Variants in SCN3A observed in about 807,000 individuals in gnomAD.
The protein encoded by SCN3A is sodium voltage-gated channel alpha subunit 3, also known as sodium channel protein type 3 subunit alpha.
SCN3A carries 60 observed loss-of-function variants against 187.6 expected under a neutral mutation model. The observed-to-expected ratio is 0.32, with a 90% CI of 0.26 to 0.40. SCN3A has a LOEUF of 0.40. SCN3A is among the 10% of genes least tolerant of loss of function. SCN3A has a pLI of 1.00. For synonymous variants in SCN3A, 788 were observed against 829.2 expected (o/e 0.95, Z 0.85); for missense variants, 1,601 against 2,428.2 (o/e 0.66, Z 7.16).
rs1383342656 is a variant in SCN3A, at chr2:165,140,925, C to G, written c.1745G>C (p.Gly582Ala). The change falls in exon 13 of 28, where the codon GGT becomes GCT. Residue 582 changes from glycine to alanine, a missense_variant. Gly to Ala is a moderately conservative substitution (Grantham distance 60). Around this residue, in one of 11 missense-constraint regions of SCN3A, gnomAD observed 376 missense variants for 476.0 expected, o/e 0.79. Transcript: ENST00000283254. The surrounding 1 kb of genome is among the most constrained non-coding windows in gnomAD (Gnocchi z 4.2). Reference protein sequence around the residue: ...NSKTSIFSFRGRAKDVGSEND... With the variant: ...NSKTSIFSFRARAKDVGSEND... ...TTCAGATCCAACATCCTTTGCCCGA[C>G]CTCTGAAACTGAAAATGCTTGTTTT... 1 of 1,613,998 alleles carries G rather than the reference C, an allele frequency of 6.2e-7. No individual in the cohort carries two copies. Among genetic ancestry groups the G allele is most frequent in the Non-Finnish European group, 8.5e-7 (1 of 1,179,984 alleles).
At position 165,140,981 on chromosome 2, in the gene SCN3A, A is replaced by G; in HGVS notation, c.1689T>C (p.Arg563=). Residue 563 remains arginine, a synonymous_variant, in exon 13 of 28, where the codon CGT becomes CGC. Transcript: ENST00000283254. The surrounding 1 kb of genome is among the most constrained non-coding windows in gnomAD (Gnocchi z 4.2). ...CSPHQSLLSI[R]GSLFSPRRNS... is the part of the protein sequence containing the mutation. The stretch of plus-strand genomic sequence containing the variant: ...TGCGTCTTGGGGAAAACAGGGAGCC[A>G]CGGATACTCAAGAGAGACTGCAGAG... 1.2e-6 allele frequency: 2 copies of G among 1,613,952 alleles called. No homozygotes were observed. The highest frequency in any genetic ancestry group is 1.7e-6 in the Non-Finnish European group (2 of 1,179,892).
At chr2:165,191,056 C>T (rs1358692080) in intron 1 of SCN3A, among the ~76,000 whole-genome samples, 5 of 131,522 alleles carry the variant, frequency 3.8e-5, no homozygotes, top group Admixed American at 1.5e-4. Context: ...CAGGATTTTA[C>T]GTTGTTTTTT....
chr2:165,097,991 C>A (rs1464267925), intron 22 of SCN3A, among the ~76,000 whole-genome samples: 1 of 152,102 alleles, frequency 6.6e-6, no homozygotes, highest in Non-Finnish European at 1.5e-5. Context: ...ATCAAGTTAA[C>A]TTTTTATGAC....
intron 1 of SCN3A, among the ~76,000 whole-genome samples, chr2:165,189,747 T>C (rs1187158836): frequency 6.6e-6 from 1 of 152,216 alleles, no homozygotes; most frequent in Non-Finnish European, 1.5e-5. Flanking sequence ...TAAGATCTTC[T>C]AGTTCCCAGT....
intron 10 of SCN3A, 95 bp downstream of exon 10, chr2:165,155,667 A>T: frequency 7.1e-7 from 1 of 1,413,770 alleles, no homozygotes; most frequent in Non-Finnish European, 9.9e-7. Context: ...CCAAAGTGCT[A>T]GGGTTACAGG....
intron 3 of SCN3A, among the ~76,000 whole-genome samples, chr2:165,173,482 C>T (rs1559261184): frequency 6.6e-6 from 1 of 152,156 alleles, no homozygotes; most frequent in Non-Finnish European, 1.5e-5. Context: ...CTTAGCAGTG[C>T]TTGACACAGT....
chr2:165,168,864 A>G (rs758661501), intron 4 of SCN3A, 39 bp from the exon 5 acceptor site: 6 of 1,377,684 alleles, frequency 4.4e-6, no homozygotes, highest in Non-Finnish European at 5.2e-6. Flanking sequence ...GTAGGTTACC[A>G]TGGCCATTTA....
intron 5 of SCN3A, 141 bp downstream of exon 5, chr2:165,168,595 A>T: frequency 1.4e-6 from 1 of 692,784 alleles, no homozygotes; most frequent in South Asian, 1.6e-5. Context: ...CCCCCAAAGA[A>T]CTTCCCTTAT....
At chr2:165,195,602 C>T (rs758836579) in intron 1 of SCN3A, 8 of 152,012 alleles carry the variant, frequency 5.3e-5, no homozygotes, top group Non-Finnish European at 8.8e-5. Flanking sequence ...CCAAATTTAG[C>T]TTTCTTGAGG....
chr2:165,174,274 A>G (rs1166629245), intron 3 of SCN3A, among the ~76,000 whole-genome samples: 1 of 152,146 alleles, frequency 6.6e-6, no homozygotes, highest in Non-Finnish European at 1.5e-5. Context: ...GTAGTGATGT[A>G]ATGAGCACGT....
At chr2:165,165,918 T>G (rs1263409082) in intron 5 of SCN3A, among the ~76,000 whole-genome samples, 1 of 152,232 alleles carries the variant, frequency 6.6e-6, no homozygotes, top group Non-Finnish European at 1.5e-5. Context: ...TTTACTTATA[T>G]GAAGTAGCTG....
intron 2 of SCN3A, among the ~76,000 whole-genome samples, chr2:165,184,341 A>G (rs992563585): frequency 6.6e-6 from 1 of 152,118 alleles, no homozygotes; most frequent in South Asian, 2.1e-4. Flanking sequence ...CTGTCATGCC[A>G]TATATGCATG....
At position 165,162,378 on chromosome 2, in the gene SCN3A, A is replaced by G; in HGVS notation, c.968-7T>C. 6.2e-7 allele frequency: 1 copy of G among 1,613,424 alleles called. No homozygotes were observed. The highest frequency in any genetic ancestry group is 2.2e-5 in the East Asian group (1 of 44,846). ...TCCAAAACATAAAAGTGACCTGTTA[A>G]TACAAAAAAAAACCCATTTTATTTC... On this transcript the variant is annotated splice_region_variant and splice_polypyrimidine_tract_variant and intron_variant, in intron 8 of 27. Transcript: ENST00000283254.
At chr2:165,176,653 CTTAATG>C (rs1425437735) in intron 2 of SCN3A, among the ~76,000 whole-genome samples, 3 of 151,998 alleles carry the variant, frequency 2.0e-5, no homozygotes, top group South Asian at 4.1e-4. Context: ...AAAGTCTGTA[CTTAATG>C]TTAATTAGTT....
intron 11 of SCN3A, among the ~76,000 whole-genome samples, chr2:165,151,088 A>C (rs1688660001): frequency 6.6e-6 from 1 of 152,220 alleles, no homozygotes; most frequent in African/African-American, 2.4e-5. Context: ...AAAATCAATA[A>C]GGTATATCCA....
Sources: allele counts gnomAD v4.1 joint callset (sites outside exome capture counted in the v4.1 genomes callset), GRCh38; gene constraint gnomAD v4.1.1; regional missense constraint gnomAD v4.1.1; non-coding constraint Gnocchi (gnomAD v3.1); transcripts MANE v1.5; gene names NCBI Gene and HGNC (gene_info 2026-07-23, HGNC 2026-07-21).